TAX1BP1: variants seen among roughly 807,000 people sequenced by gnomAD.
TAX1BP1 encodes tax1-binding protein 1.
In TAX1BP1, 62 loss-of-function variants were observed where a neutral mutation model predicts 97.7. That is an observed-to-expected ratio of 0.63 (90% confidence interval 0.52 to 0.78). The LOEUF is 0.78. Ranked by LOEUF, TAX1BP1 falls within the 30% of genes least tolerant of loss-of-function variation. The probability of loss-of-function intolerance (pLI) is 0.00; values close to 1 mark genes in which losing one functional copy is unlikely to be tolerated. For missense variants in TAX1BP1, 867 were observed against 916.1 expected (o/e 0.95, Z 0.69); for synonymous variants, 340 against 304.2 (o/e 1.12, Z -1.23).
chr7:27,796,076 A>C (rs757011377), intron 11 of TAX1BP1, 40 bp from the exon 12 acceptor site: 15 of 1,505,160 alleles, frequency 1.0e-5, no homozygotes, highest in Non-Finnish European at 9.1e-7. Flanking sequence ...TATAAGGGGC[A>C]AAATACTTTT....
intron 12 of TAX1BP1, among the ~76,000 whole-genome samples, chr7:27,797,483 G>A (rs1211756539): frequency 6.6e-6 from 1 of 151,914 alleles, no homozygotes; most frequent in African/African-American, 2.4e-5. Context: ...TGTGCTTTGT[G>A]TGTTTTTGTG....
At chr7:27,800,604 G>A (rs1308617392) in intron 13 of TAX1BP1, among the ~76,000 whole-genome samples, 1 of 151,894 alleles carries the variant, frequency 6.6e-6, no homozygotes, top group African/African-American at 2.4e-5. Context: ...TTATTTTAGG[G>A]CCTTGACTTT....
intron 15 of TAX1BP1, among the ~76,000 whole-genome samples, chr7:27,824,578 T>C (rs2128327157): frequency 6.8e-6 from 1 of 146,312 alleles, no homozygotes; most frequent in South Asian, 2.2e-4. Flanking sequence ...AAAAAATTAC[T>C]GTTCAAATGT....
chr7:27,774,451 T>C (rs532102824), intron 5 of TAX1BP1, among the ~76,000 whole-genome samples: 1 of 152,228 alleles, frequency 6.6e-6, no homozygotes, highest in East Asian at 1.9e-4. Context: ...TTACAATGGC[T>C]TATAATAACA....
At chr7:27,755,178 A>G (rs1438748712) in intron 2 of TAX1BP1, among the ~76,000 whole-genome samples, 1 of 152,130 alleles carries the variant, frequency 6.6e-6, no homozygotes, top group Non-Finnish European at 1.5e-5. Flanking sequence ...TTGTACTCCT[A>G]CCTTCCCCAG....
intron 3 of TAX1BP1, among the ~76,000 whole-genome samples, chr7:27,760,840 A>G (rs73295543): frequency 0.041 from 6,230 of 152,246 alleles, 393 homozygotes; most frequent in African/African-American, 0.14. Flanking sequence ...CTTAACTTTA[A>G]TTTGGAATCC....
Position 27,765,869 on chromosome 7 carries a change from C to T in TAX1BP1, c.301C>T (p.Gln101Ter). Residue 101 changes from glutamine to a stop codon, truncating the protein, a stop_gained, in exon 4 of 17, where the codon CAG (glutamine) becomes TAG (stop). Coordinates refer to ENST00000396319, the MANE Select transcript of TAX1BP1 (RefSeq NM_006024.7). LOFTEE classifies it high-confidence loss of function. The part of the protein sequence containing the change: ...YLPNDDGEFY[Q>*]FCYVTHKGEI... ...TCCAAATGATGATGGAGAATTTTAT[C>T]AGTTCTGTTACGTTACCCATAAGGG... 1.2e-6 allele frequency: 2 copies of T among 1,613,942 alleles called. No homozygotes were observed. The highest frequency in any genetic ancestry group is 1.7e-6 in the Non-Finnish European group (2 of 1,179,908).
At chr7:27,803,252 A>G in intron 13 of TAX1BP1, 1 of 1,320,002 alleles carries the variant, frequency 7.6e-7, no homozygotes, top group Middle Eastern at 2.3e-4. Flanking sequence ...ATGAAGAGAC[A>G]CATTTTGAAG....
Position 27,758,088 on chromosome 7 carries a change from C to A in TAX1BP1, c.220C>A (p.His74Asn). The change falls in exon 3 of 17, where the codon CAT becomes AAT. Residue 74 changes from histidine to asparagine, a missense_variant. Physicochemically the swap from His to Asn is moderately conservative, Grantham distance 68 (BLOSUM62 1). Coordinates refer to ENST00000396319, the MANE Select transcript of TAX1BP1 (RefSeq NM_006024.7). ...GTTTTTATGGTCCCCTATGCCTGAA[C>A]ATTATGTGGAAGGATCAACAGTCAA... The part of the protein sequence containing the change: ...YTFLWSPMPE[H>N]YVEGSTVNCV... 6.2e-7 allele frequency: 1 copy of A among 1,612,516 alleles called. No individual in the cohort carries two copies. The highest frequency in any genetic ancestry group is 1.7e-4 in the Middle Eastern group (1 of 6,056).
At chr7:27,775,359 T>C (rs1467827702) in intron 5 of TAX1BP1, among the ~76,000 whole-genome samples, 1 of 152,196 alleles carries the variant, frequency 6.6e-6, no homozygotes, top group African/African-American at 2.4e-5. Context: ...CATAATGGTA[T>C]GGTTAGATGA....
At chr7:27,809,295 A>T (rs1048673768) in intron 13 of TAX1BP1, among the ~76,000 whole-genome samples, 1 of 152,248 alleles carries the variant, frequency 6.6e-6, no homozygotes, top group South Asian at 2.1e-4. Flanking sequence ...AACAAATGTA[A>T]TATGAAACAA....
chr7:27,787,435 A>T lies in TAX1BP1; in HGVS notation c.870A>T (p.Thr290=), dbSNP rs763588300. Residue 290 remains threonine, a synonymous_variant, in exon 8 of 17, where the codon ACA becomes ACT. Coordinates refer to ENST00000396319, the MANE Select transcript of TAX1BP1 (RefSeq NM_006024.7). ...KELYKVHLKN[T]EIENTKLMSE... is the part of the protein sequence containing the mutation. ...CATTACAGGTACATTTGAAGAATAC[A>T]GAAATAGAAAATACCAAGCTTATGT... 1.2e-6 allele frequency: 2 copies of T among 1,608,110 alleles called. No individual in the cohort carries two copies. Among genetic ancestry groups the T allele is most frequent in the Non-Finnish European group, 1.7e-6 (2 of 1,178,148 alleles).
In TAX1BP1 at chr7:27,754,048, T is replaced by C. The variant is rs1402875433; in HGVS notation, c.163-3983T>C. Among the ~76,000 whole-genome samples, 5 of 152,186 alleles carry C rather than the reference T, an allele frequency of 3.3e-5. No homozygotes were observed. In the East Asian group the frequency reaches 9.6e-4, roughly 29 times the overall value. ...AGTTGAGGAAACTGGAAGTGCAAAGTGGTCATGTGACATGTTCAAAGTCAC... is the reference window on the plus strand; with the variant it reads ...AGTTGAGGAAACTGGAAGTGCAAAGCGGTCATGTGACATGTTCAAAGTCAC... On this transcript the variant is annotated intron_variant, in intron 2 of 16. Coordinates refer to ENST00000396319, the MANE Select transcript of TAX1BP1 (RefSeq NM_006024.7).
intron 13 of TAX1BP1, among the ~76,000 whole-genome samples, chr7:27,808,489 G>C (rs563356130): frequency 6.6e-6 from 1 of 152,132 alleles, no homozygotes; most frequent in Non-Finnish European, 1.5e-5. Flanking sequence ...TTTTTTTGGT[G>C]GGTAGGGTGG....
chr7:27,781,146 A>G lies in TAX1BP1; in HGVS notation c.613-4017A>G, dbSNP rs150376686. Among the ~76,000 whole-genome samples the G allele has an allele frequency of 1.3e-3, 202 of 152,286 alleles. 2 individuals carry two copies. Among genetic ancestry groups the G allele is most frequent in the African/African-American group, 4.5e-3 (189 of 41,558 alleles). On this transcript the variant is annotated intron_variant, in intron 5 of 16. Transcript: ENST00000396319. ...CCCCCTCCTCTCCACTCCAACCACA[A>G]AAATAGTGCTTGGATCTGTTATTTT...
chr7:27,775,494 T>G (rs776442673), intron 5 of TAX1BP1, among the ~76,000 whole-genome samples: 3 of 152,160 alleles, frequency 2.0e-5, no homozygotes, highest in Non-Finnish European at 2.9e-5. Context: ...GTGGTAGCTT[T>G]GTAATATGTC....
chr7:27,807,775 C>T (rs1457725585), intron 13 of TAX1BP1, among the ~76,000 whole-genome samples: 1 of 152,058 alleles, frequency 6.6e-6, no homozygotes, highest in African/African-American at 2.4e-5. Flanking sequence ...CTCCATAATT[C>T]CTTCTATATT....
chr7:27,828,665 A>G lies in TAX1BP1; in HGVS notation c.2206A>G (p.Met736Val), dbSNP rs745407817. Residue 736 changes from methionine (M) to valine (V), a missense_variant, in exon 17 of 17, where the codon ATG becomes GTG. By Grantham distance (21) the Met-to-Val change is conservative. Around this residue, in one of 3 missense-constraint regions of TAX1BP1, gnomAD observed 822 missense variants for 851.4 expected, o/e 0.97. Coordinates refer to ENST00000396319, the MANE Select transcript of TAX1BP1 (RefSeq NM_006024.7). ...CAAGAAGTGTCCCCTCTGTGAGTTA[A>G]TGTTTCCTCCTAACTATGATCAGAG... Reference protein sequence around the residue: ...VHKKCPLCELMFPPNYDQSKF... With the variant: ...VHKKCPLCELVFPPNYDQSKF... 1.8e-5 allele frequency: 29 copies of G among 1,613,976 alleles called. 1 individual carries two copies. In the South Asian group the frequency reaches 3.0e-4, roughly 16 times the overall value.
intron 13 of TAX1BP1, among the ~76,000 whole-genome samples, chr7:27,807,337 T>G (rs536564607): frequency 9.5e-4 from 144 of 152,276 alleles, no homozygotes; most frequent in African/African-American, 3.0e-3. Flanking sequence ...AGTACTTTGT[T>G]TATTGTTTAT....
Sources: allele counts gnomAD v4.1 joint callset (sites outside exome capture counted in the v4.1 genomes callset), GRCh38; gene constraint gnomAD v4.1.1; regional missense constraint gnomAD v4.1.1; transcripts MANE v1.5; gene names NCBI Gene and HGNC (gene_info 2026-07-23, HGNC 2026-07-21).